The following KCTD9 variants were observed in gnomAD, a reference collection of about 807,000 sequenced individuals.
KCTD9 encodes BTB/POZ domain-containing protein KCTD9.
In KCTD9, 17 loss-of-function variants were observed where a neutral mutation model predicts 53.3. That is an observed-to-expected ratio of 0.32 (90% CI 0.22 to 0.48). KCTD9 has a LOEUF of 0.48. KCTD9 is among the 20% of genes least tolerant of loss of function. The pLI is 0.99. For synonymous variants in KCTD9, 128 were observed against 162.7 expected (o/e 0.79, Z 1.62); for missense variants, 179 against 465.5 (o/e 0.38, Z 5.66).
At chr8:25,430,142 A>G (rs147715377) in intron 11 of KCTD9, among the ~76,000 whole-genome samples, 169 bp from the exon 12 acceptor site, 9 of 152,180 alleles carry the variant, frequency 5.9e-5, no homozygotes, top group African/African-American at 1.9e-4. Flanking sequence ...ATGTTCTTCT[A>G]TCTTTATTTG....
At chr8:25,432,375 C>A in intron 11 of KCTD9, 129 bp downstream of exon 11, 1 of 767,198 alleles carries the variant, frequency 1.3e-6, no homozygotes, top group Non-Finnish European at 2.2e-6. Context: ...TCAACTTAGA[C>A]TGAATGTCAG....
intron 5 of KCTD9, 24 bp from the exon 6 acceptor site, chr8:25,439,431 A>G: frequency 6.3e-7 from 1 of 1,584,808 alleles, no homozygotes; most frequent in Non-Finnish European, 8.6e-7. Flanking sequence ...ATAATAAAGA[A>G]AGTCCCCCAT....
intron 6 of KCTD9, among the ~76,000 whole-genome samples, 192 bp downstream of exon 6, chr8:25,439,087 G>A (rs1315637982): frequency 6.6e-6 from 1 of 152,134 alleles, no homozygotes; most frequent in Non-Finnish European, 1.5e-5. Context: ...AGGACCACCT[G>A]CCCGTGCCTA....
intron 1 of KCTD9, among the ~76,000 whole-genome samples, chr8:25,454,522 C>T (rs1246585652): frequency 6.6e-6 from 1 of 152,188 alleles, no homozygotes; most frequent in African/African-American, 2.4e-5. Context: ...GTCCCCATTT[C>T]AATTTCCTTA....
chr8:25,439,207 C>T, intron 6 of KCTD9, 72 bp downstream of exon 6: 1 of 1,227,640 alleles, frequency 8.1e-7, no homozygotes, highest in Non-Finnish European at 1.1e-6. Context: ...CTGAGTGAAA[C>T]AAAGTTAAAA....
chr8:25,454,050 T>TTTG (rs146928495), intron 1 of KCTD9, among the ~76,000 whole-genome samples: 1 of 152,142 alleles, frequency 6.6e-6, no homozygotes, highest in South Asian at 2.1e-4. Flanking sequence ...TTTTTCATTC[T>TTTG]TTGTTGTTGT....
rs1482301467 is a variant in KCTD9, at chr8:25,458,417, A to G, written c.-171T>C. The G allele has an allele frequency of 1.1e-5, 8 of 731,964 alleles. No homozygotes were observed. Among genetic ancestry groups the G allele is most frequent in the South Asian group, 8.7e-5 (5 of 57,320 alleles). The allele number at this position is 731,964 out of a possible 1,614,324, so 45.3% of individuals were successfully genotyped here. The stretch of plus-strand genomic sequence containing the variant: ...ACGCACGCACTCTGTCCCACACCCA[A>G]GGTTCGGCCGGTCCTCCTTCCCACC... On this transcript the variant is annotated 5_prime_UTR_variant, in exon 1 of 12. Coordinates refer to ENST00000221200, the MANE Select transcript of KCTD9 (RefSeq NM_017634.4).
chr8:25,448,607 G>T (rs530673070), intron 1 of KCTD9, among the ~76,000 whole-genome samples: 5 of 152,272 alleles, frequency 3.3e-5, no homozygotes, highest in Non-Finnish European at 7.3e-5. Context: ...CAGCAGGCTT[G>T]CCATAAATAA....
chr8:25,458,157 C>G (rs1303683491), intron 1 of KCTD9, 42 bp downstream of exon 1: 1 of 1,521,628 alleles, frequency 6.6e-7, no homozygotes, highest in South Asian at 1.2e-5. Context: ...TCCGCCCTCG[C>G]CCCGACCCCC....
chr8:25,428,850 G>GC lies in KCTD9; in HGVS notation c.*1006dup, dbSNP rs532920509. 6.0e-4 allele frequency: 91 copies of GC among 152,176 alleles called. 1 individual carries two copies. The East Asian group carries it at 0.017, about 28-fold the overall frequency. The allele number at this position is 152,176 out of a possible 1,614,324, so 9.4% of individuals were successfully genotyped here. A position where few individuals can be genotyped will look rare whatever the true frequency, so the allele number is the denominator to read the frequency against. On this transcript the variant is annotated 3_prime_UTR_variant, in exon 12 of 12. Coordinates refer to ENST00000221200, the MANE Select transcript of KCTD9 (RefSeq NM_017634.4). ...ATTATATTACATTGCCTTTTAGCAG[G>GC]CAACTCTACCATATTCACTCATATA...
chr8:25,448,759 C>T (rs1375754271), intron 1 of KCTD9, among the ~76,000 whole-genome samples: 1 of 151,766 alleles, frequency 6.6e-6, no homozygotes, highest in Non-Finnish European at 1.5e-5. Flanking sequence ...TACTAAAATA[C>T]AAAAAATTAG....
At chr8:25,448,726 G>T (rs1407096660) in intron 1 of KCTD9, among the ~76,000 whole-genome samples, 1 of 151,986 alleles carries the variant, frequency 6.6e-6, no homozygotes. Flanking sequence ...ACCAGCTTGG[G>T]CAACACAGTG....
intron 1 of KCTD9, among the ~76,000 whole-genome samples, chr8:25,450,866 A>C (rs753938232): frequency 7.9e-5 from 12 of 152,218 alleles, no homozygotes; most frequent in Non-Finnish European, 1.8e-4. Flanking sequence ...TAAGGGGGGA[A>C]GTTTTAATTT....
At chr8:25,458,134 C>A (rs970916284) in intron 1 of KCTD9, 65 bp downstream of exon 1, 10 of 1,458,542 alleles carry the variant, frequency 6.9e-6, no homozygotes, top group Admixed American at 2.0e-5. Context: ...CCCCGCCAGC[C>A]GGTTCCGCAC....
At chr8:25,439,794 T>G in intron 4 of KCTD9, 130 bp from the exon 5 acceptor site, 2 of 1,500,868 alleles carry the variant, frequency 1.3e-6, no homozygotes, top group Non-Finnish European at 1.8e-6. Context: ...GGAGTAACGC[T>G]GGGAAACAAA....
At chr8:25,454,562 G>T (rs890644777) in intron 1 of KCTD9, among the ~76,000 whole-genome samples, 10 of 152,104 alleles carry the variant, frequency 6.6e-5, no homozygotes, top group African/African-American at 2.4e-4. Context: ...ATATTAAAAA[G>T]AATAACGAAA....
chr8:25,436,204 G>A, intron 8 of KCTD9, 31 bp downstream of exon 8: 2 of 1,281,732 alleles, frequency 1.6e-6, no homozygotes, highest in Non-Finnish European at 2.3e-6. Context: ...TTTGCTGATA[G>A]AAATAATTGA....
rs572621759 is a variant in KCTD9 at position 25,429,616 on chromosome 8, G to A, written c.*241C>T. 15 of 369,922 alleles carry A rather than the reference G, an allele frequency of 4.1e-5. No homozygotes were observed. The highest frequency in any genetic ancestry group is 7.2e-5 in the Non-Finnish European group (14 of 195,334). 22.9% of individuals were successfully genotyped at this position (369,922 alleles called of 1,614,324 possible). On this transcript the variant is annotated 3_prime_UTR_variant, in exon 12 of 12. Transcript: ENST00000221200. ...TAAACCCCCCTACCCCATTCAAAAG[G>A]CAGCAATATCTAGTTTCCCTACATC...
At chr8:25,441,729 G>A (rs952785607) in intron 3 of KCTD9, among the ~76,000 whole-genome samples, 10 of 152,158 alleles carry the variant, frequency 6.6e-5, no homozygotes, top group African/African-American at 1.2e-4. Flanking sequence ...CAGACGTGGT[G>A]GCTCATGCCT....
Sources: allele counts gnomAD v4.1 joint callset (sites outside exome capture counted in the v4.1 genomes callset), GRCh38; gene constraint gnomAD v4.1.1; transcripts MANE v1.5; gene names NCBI Gene and HGNC (gene_info 2026-07-23, HGNC 2026-07-21).